BOLL: variants seen among roughly 807,000 people sequenced by gnomAD.
BOLL encodes the protein boule RNA binding protein.
Under a neutral mutation model 44.4 loss-of-function variants are expected in BOLL, and 23 were observed. The ratio of observed to expected loss-of-function variants is 0.52; its 90% CI spans 0.37 to 0.73. The LOEUF (loss-of-function observed/expected upper bound fraction) is 0.73, where lower values mean the gene tolerates loss of function less well. BOLL is among the 30% of genes least tolerant of loss of function. The pLI, the probability that BOLL is intolerant of heterozygous loss-of-function variation, is 0.00. For synonymous variants in BOLL, 97 were observed against 110.8 expected, an observed-to-expected ratio of 0.88 and a Z score of 0.78; for missense variants, 287 against 338.3, an observed-to-expected ratio of 0.85 and a Z score of 1.19.
At chr2:197,769,938 T>G (rs1449896793) in intron 6 of BOLL, among the ~76,000 whole-genome samples, 1 of 152,136 alleles carries the variant, frequency 6.6e-6, no homozygotes, top group African/African-American at 2.4e-5. Context: ...AGGTAATTTA[T>G]AGATTCAATG....
chr2:197,779,313 A>G (rs1369854008), intron 2 of BOLL, among the ~76,000 whole-genome samples: 1 of 152,054 alleles, frequency 6.6e-6, no homozygotes, highest in Non-Finnish European at 1.5e-5. Context: ...TAAAACTACA[A>G]AACTCACTAT....
Position 197,771,877 on chromosome 2 carries a change from G to C in BOLL, c.458C>G (p.Thr153Ser), listed in dbSNP as rs1203999953. Residue 153 changes from threonine to serine, a missense_variant, in exon 6 of 11, where the codon ACT becomes AGT. Transcript: ENST00000392296. ...GVAYFHTPEVTSVPPPWPSRS... is the reference protein window; with the variant it reads ...GVAYFHTPEVSSVPPPWPSRS... The stretch of plus-strand genomic sequence containing the variant: ...TACAGGCCAAGGCGGTGGGACCGAA[G>C]TTACCTCTGGAGTATGAAAATAAGC... The C allele has an allele frequency of 3.1e-6, 5 of 1,592,758 alleles. No individual in the cohort carries two copies. In the African/African-American group the frequency reaches 6.8e-5, roughly 22 times the overall value.
At chr2:197,729,975 C>G (rs1288173470) in intron 10 of BOLL, among the ~76,000 whole-genome samples, 1 of 151,920 alleles carries the variant, frequency 6.6e-6, no homozygotes, top group Admixed American at 6.6e-5. Context: ...ATGACTTTGA[C>G]GAGCTGAGAG....
intron 3 of BOLL, among the ~76,000 whole-genome samples, chr2:197,777,560 AATT>A (rs929797952): frequency 3.3e-5 from 5 of 151,930 alleles, no homozygotes; most frequent in African/African-American, 9.7e-5. Context: ...TGTATTATTT[AATT>A]ATTATTATTA....
chr2:197,782,069 C>T lies in BOLL; in HGVS notation c.-15-204G>A, dbSNP rs573863256. ...AGAACTAGGAAACACAGAATCTACTCCACTATAGAGATTTTAAATATTAAA... is the reference window on the plus strand; with the variant it reads ...AGAACTAGGAAACACAGAATCTACTTCACTATAGAGATTTTAAATATTAAA... On this transcript the variant is annotated intron_variant, in intron 1 of 10. Transcript: ENST00000392296. 9.9e-5 allele frequency among the ~76,000 whole-genome samples: 15 copies of T among 152,146 alleles called. No individual in the cohort carries two copies. The East Asian group carries it at 2.9e-3, about 29-fold the overall frequency.
intron 3 of BOLL, among the ~76,000 whole-genome samples, chr2:197,777,834 C>T (rs1006622660): frequency 6.6e-6 from 1 of 151,876 alleles, no homozygotes; most frequent in African/African-American, 2.4e-5. Flanking sequence ...GTAAACTCTT[C>T]TGAGTAATGC....
intron 10 of BOLL, among the ~76,000 whole-genome samples, chr2:197,741,209 T>C (rs1316898250): frequency 1.3e-5 from 2 of 152,182 alleles, no homozygotes; most frequent in Non-Finnish European, 2.9e-5. Flanking sequence ...CCCTCGTAAG[T>C]TGGATTCCTA....
intron 10 of BOLL, among the ~76,000 whole-genome samples, chr2:197,729,246 G>C (rs1396705902): frequency 2.0e-5 from 3 of 151,884 alleles, no homozygotes; most frequent in African/African-American, 7.2e-5. Flanking sequence ...TCACTACTGC[G>C]CTTTTCCGAC....
At chr2:197,742,518 C>T (rs1687793600) in intron 10 of BOLL, among the ~76,000 whole-genome samples, 1 of 152,124 alleles carries the variant, frequency 6.6e-6, no homozygotes, top group African/African-American at 2.4e-5. Flanking sequence ...TTTGTAGGGA[C>T]ATGGATGAAG....
chr2:197,753,553 C>T (rs996881599), intron 9 of BOLL, among the ~76,000 whole-genome samples: 1 of 152,190 alleles, frequency 6.6e-6, no homozygotes, highest in Non-Finnish European at 1.5e-5. Context: ...CATCACTGGT[C>T]ATTAGAGAAA....
Position 197,771,982 on chromosome 2 carries a change from C to G in BOLL, c.353G>C (p.Arg118Pro). 1 of 1,559,904 alleles carries G rather than the reference C, an allele frequency of 6.4e-7. No individual in the cohort carries two copies. Among genetic ancestry groups the G allele is most frequent in the Non-Finnish European group, 8.7e-7 (1 of 1,147,830 alleles). Residue 118 changes from arginine to proline, a missense_variant and splice_region_variant, in exon 6 of 11, where the codon CGT becomes CCT. Coordinates refer to ENST00000392296, the MANE Select transcript of BOLL (RefSeq NM_033030.6). Reference protein sequence around the residue: ...AIRKQQVGIPRSSIMPAAGTM... With the variant: ...AIRKQQVGIPPSSIMPAAGTM... ...TCCAGCTGCTGGCATTATACTAGAA[C>G]CTAAAGCAAAGATTAAATAATAATA...
At chr2:197,781,084 C>A (rs1301400871) in intron 2 of BOLL, among the ~76,000 whole-genome samples, 1 of 151,994 alleles carries the variant, frequency 6.6e-6, no homozygotes, top group Non-Finnish European at 1.5e-5. Context: ...ATAAACTCAT[C>A]ATTGGGGTTT....
intron 9 of BOLL, among the ~76,000 whole-genome samples, chr2:197,744,926 T>C (rs1474434357): frequency 6.6e-6 from 1 of 152,148 alleles, no homozygotes; most frequent in Non-Finnish European, 1.5e-5. Flanking sequence ...GTAGATGGAA[T>C]GAGGTCCCTG....
At chr2:197,736,582 C>A (rs1460543789) in intron 10 of BOLL, among the ~76,000 whole-genome samples, 1 of 151,946 alleles carries the variant, frequency 6.6e-6, no homozygotes, top group Non-Finnish European at 1.5e-5. Flanking sequence ...TTTTTACAAC[C>A]TTTCTGTAAG....
At chr2:197,785,833 G>A (rs1443775598), upstream of BOLL, 2 of 746,182 alleles carry the variant, frequency 2.7e-6, no homozygotes, top group South Asian at 3.0e-5. This position sits in a 1 kb window ranked among gnomAD's most constrained non-coding sequence, Gnocchi z 6.7. Context: ...TCCTGGCAGC[G>A]GTCGATGGGG....
At chr2:197,779,156 A>T in intron 2 of BOLL, 90 bp from the exon 3 acceptor site, 2 of 916,408 alleles carry the variant, frequency 2.2e-6, no homozygotes, top group Non-Finnish European at 3.3e-6. Flanking sequence ...AGAAAAAGTT[A>T]TAGATAAGAT....
Position 197,766,567 on chromosome 2 carries a change from G to T in BOLL, c.517C>A (p.Gln173Lys), listed in dbSNP as rs1486081993. ...SVCSSPVMVA[Q>K]PIYQQPAYHY... ...TATGCAGGTTGCTGATAAATGGGCT[G>T]AGCTACCATCACAGGGGAGCTACAT... Residue 173 changes from glutamine (Q) to lysine (K), a missense_variant, in exon 7 of 11, where the codon CAG becomes AAG. Coordinates refer to ENST00000392296, the MANE Select transcript of BOLL (RefSeq NM_033030.6). 2 of 1,612,540 alleles carry T rather than the reference G, an allele frequency of 1.2e-6. No individual in the cohort carries two copies. Among genetic ancestry groups the T allele is most frequent in the South Asian group, 2.2e-5 (2 of 90,930 alleles).
intron 10 of BOLL, among the ~76,000 whole-genome samples, chr2:197,740,877 T>C (rs1687699467): frequency 6.6e-6 from 1 of 152,130 alleles, no homozygotes; most frequent in Non-Finnish European, 1.5e-5. Flanking sequence ...TAACAATGGT[T>C]GAAACAGAAA....
chr2:197,777,373 A>G (rs895399106), intron 3 of BOLL, among the ~76,000 whole-genome samples: 2 of 151,892 alleles, frequency 1.3e-5, no homozygotes, highest in Non-Finnish European at 2.9e-5. Flanking sequence ...AAAGAAAAGC[A>G]CAAGAGATTC....
Sources: gnomAD v4.1 joint callset for allele counts (sites outside exome capture counted in the v4.1 genomes callset) on GRCh38, gnomAD v4.1.1 for gene constraint, Gnocchi (gnomAD v3.1) non-coding constraint, MANE v1.5 for transcripts, NCBI Gene and HGNC (gene_info 2026-07-23, HGNC 2026-07-21) for gene names.